KCTD16: variants seen among roughly 807,000 people sequenced by gnomAD.
KCTD16 encodes BTB/POZ domain-containing protein KCTD16.
Under a neutral mutation model 33.2 loss-of-function variants are expected in KCTD16, and 13 were observed. The observed-to-expected ratio is 0.39, with a 90% CI of 0.25 to 0.62. The LOEUF (loss-of-function observed/expected upper bound fraction) is 0.62. Ranked by LOEUF, KCTD16 falls within the 20% of genes least tolerant of loss-of-function variation. The pLI, the probability that KCTD16 is intolerant of heterozygous loss-of-function variation, is 0.50. For missense variants in KCTD16, 441 were observed against 525.1 expected (o/e 0.84, Z 1.57); for synonymous variants, 197 against 195.3 (o/e 1.01, Z -0.07).
chr5:144,453,725 C>A (rs947578259), intron 3 of KCTD16, among the ~76,000 whole-genome samples: 2 of 152,096 alleles, frequency 1.3e-5, no homozygotes, highest in Non-Finnish European at 2.9e-5. Context: ...TGGTAGAATT[C>A]TTGACCAGCT....
rs369589126 is a variant in KCTD16, at chr5:144,194,780, ACT to A, written c.-326-11604_-326-11603del. On this transcript the variant is annotated intron_variant, in intron 2 of 3. Coordinates refer to ENST00000512467, the MANE Select transcript of KCTD16 (RefSeq NM_020768.4). ...AATGGAGGTGGGATTCGACCCCAGGACTCTCTGATCCCAAAGCCCACCCTTTT... is the reference window on the plus strand; with the variant it reads ...AATGGAGGTGGGATTCGACCCCAGGACTCTGATCCCAAAGCCCACCCTTTT... Among the ~76,000 whole-genome samples the A allele has an allele frequency of 6.6e-5, 10 of 152,108 alleles. No homozygotes were observed. The East Asian group carries it at 1.4e-3, about 21-fold the overall frequency.
chr5:144,412,857 G>T (rs1397711355), intron 3 of KCTD16, among the ~76,000 whole-genome samples: 1 of 152,168 alleles, frequency 6.6e-6, no homozygotes, highest in Admixed American at 6.5e-5. Flanking sequence ...CTGCACTCCA[G>T]CCTGGGCCAC....
intron 2 of KCTD16, among the ~76,000 whole-genome samples, chr5:144,199,707 ATTTTTTTTTTTTTT>A (rs574670606): frequency 1.5e-5 from 1 of 67,738 alleles, no homozygotes; most frequent in African/African-American, 6.0e-5. Context: ...GAACAGCTTC[ATTTTTTTTTTTTTT>A]TTTTTTTTTT....
intron 1 of KCTD16, among the ~76,000 whole-genome samples, chr5:144,173,505 A>G (rs1324412387): frequency 6.6e-6 from 1 of 152,146 alleles, no homozygotes; most frequent in Non-Finnish European, 1.5e-5. Flanking sequence ...GAATCAGGAA[A>G]AATAACTAAT....
rs1294482203 is a variant in KCTD16 at position 144,236,502 on chromosome 5, TA to T, written c.832+28961del. ...GGACTCTGTTATTAATTATACCTAC[TA>T]AAAATATGGTTATAGCTCTCTTATA... On this transcript the variant is annotated intron_variant, in intron 3 of 3. Transcript: ENST00000512467. Among the ~76,000 whole-genome samples, 54 of 152,260 alleles carry T rather than the reference TA, an allele frequency of 3.5e-4. No individual in the cohort carries two copies. The Middle Eastern group carries it at 0.024, about 67-fold the overall frequency.
At chr5:144,349,049 G>A (rs180794652) in intron 3 of KCTD16, among the ~76,000 whole-genome samples, 111 of 152,236 alleles carry the variant, frequency 7.3e-4, no homozygotes, top group African/African-American at 2.5e-3. Flanking sequence ...TGTCCACATC[G>A]GGAGCCTCTG....
At chr5:144,445,902 G>A (rs1293082530) in intron 3 of KCTD16, among the ~76,000 whole-genome samples, 2 of 151,928 alleles carry the variant, frequency 1.3e-5, no homozygotes, top group Non-Finnish European at 2.9e-5. Flanking sequence ...GTCTAGTTTA[G>A]GGAGAGACTC....
chr5:144,479,365 C>CAAAAAAAAAAAAAAAAAAAAAAAAAAAA lies in KCTD16; in HGVS notation c.*5267_*5268insAAAAAAAAAAAAAAAAAAAAAAAAAAAA, dbSNP rs368957124. On this transcript the variant is annotated 3_prime_UTR_variant, in exon 4 of 4. Coordinates refer to ENST00000512467, the MANE Select transcript of KCTD16 (RefSeq NM_020768.4). ...CCAAACTGATGTGTAAGAATAAATG[C>CAAAAAAAAAAAAAAAAAAAAAAAAAAAA]AAAAAAAAAAAAAAAAGAAAAAGAA... 1 of 92,486 alleles carries CAAAAAAAAAAAAAAAAAAAAAAAAAAAA rather than the reference C, an allele frequency of 1.1e-5. No individual in the cohort carries two copies. Among genetic ancestry groups the CAAAAAAAAAAAAAAAAAAAAAAAAAAAA allele is most frequent in the Non-Finnish European group, 2.0e-5 (1 of 48,976 alleles). 5.7% of individuals were successfully genotyped at this position (92,486 alleles called of 1,614,324 possible).
chr5:144,473,681 C>A lies in KCTD16; in HGVS notation c.854C>A (p.Pro285His). 6.2e-7 allele frequency: 1 copy of A among 1,605,570 alleles called. No homozygotes were observed. Among genetic ancestry groups the A allele is most frequent in the Non-Finnish European group, 8.5e-7 (1 of 1,173,618 alleles). ...TCAGGTGAGCCTTCCAGATGGTCACCCTCACACTGCGATTGCTGCTGCAAG... is the reference window on the plus strand; with the variant it reads ...TCAGGTGAGCCTTCCAGATGGTCACACTCACACTGCGATTGCTGCTGCAAG... The part of the protein sequence containing the change: ...VFYREPSRWS[P>H]SHCDCCCKNG... Residue 285 changes from proline (P) to histidine (H), a missense_variant, in exon 4 of 4, where the codon CCC (proline) becomes CAC (histidine). Transcript: ENST00000512467.
intron 3 of KCTD16, among the ~76,000 whole-genome samples, chr5:144,298,186 C>T (rs1580853110): frequency 6.6e-6 from 1 of 152,182 alleles, no homozygotes; most frequent in African/African-American, 2.4e-5. Flanking sequence ...ACATTCACCA[C>T]ACGGCCCAAG....
intron 2 of KCTD16, among the ~76,000 whole-genome samples, chr5:144,195,037 T>C (rs116482355): frequency 4.3e-4 from 66 of 152,340 alleles, no homozygotes; most frequent in African/African-American, 1.6e-3. Flanking sequence ...CACACTTGCC[T>C]TAAAGAACTG....
At chr5:144,197,081 CAT>C (rs1282601042) in intron 2 of KCTD16, among the ~76,000 whole-genome samples, 11 of 152,298 alleles carry the variant, frequency 7.2e-5, no homozygotes, top group African/African-American at 1.7e-4. Flanking sequence ...ATCCTACACA[CAT>C]GTTTGGAAAG....
chr5:144,357,322 T>G (rs2126912813), intron 3 of KCTD16, among the ~76,000 whole-genome samples: 1 of 152,324 alleles, frequency 6.6e-6, no homozygotes, highest in South Asian at 2.1e-4. Context: ...GGAAACCAAG[T>G]CAGGTAGGGG....
At chr5:144,180,636 A>G (rs1178757631) in intron 2 of KCTD16, among the ~76,000 whole-genome samples, 2 of 152,218 alleles carry the variant, frequency 1.3e-5, no homozygotes, top group South Asian at 2.1e-4. Context: ...TGTTGAATTC[A>G]TCTGAAAGCT....
intron 3 of KCTD16, among the ~76,000 whole-genome samples, chr5:144,466,096 G>C (rs1459171114): frequency 1.3e-5 from 2 of 152,014 alleles, no homozygotes; most frequent in African/African-American, 4.8e-5. Context: ...GCCTTGGCCT[G>C]CCAAAGTGCT....
chr5:144,462,763 T>G (rs1413663559), intron 3 of KCTD16, among the ~76,000 whole-genome samples: 1 of 152,164 alleles, frequency 6.6e-6, no homozygotes, highest in Non-Finnish European at 1.5e-5. Context: ...CCGTCTGGTC[T>G]TGAAGTTCTT....
At position 144,473,801 on chromosome 5, in the gene KCTD16, A is replaced by T; in HGVS notation, c.974A>T (p.Gln325Leu). ...CDSQSEASSPQETVICGPVTR... is the reference protein window; with the variant it reads ...CDSQSEASSPLETVICGPVTR... ...AGCCAGTCTGAGGCCAGCTCTCCCC[A>T]GGAGACGGTCATCTGTGGTCCCGTG... is the stretch of plus-strand genomic sequence containing the variant. The change falls in exon 4 of 4, where the codon CAG becomes CTG. Residue 325 changes from glutamine (Q) to leucine (L), a missense_variant. Transcript: ENST00000512467. The T allele has an allele frequency of 1.2e-6, 2 of 1,614,124 alleles. No individual in the cohort carries two copies. The highest frequency in any genetic ancestry group is 1.7e-6 in the Non-Finnish European group (2 of 1,179,996).
At chr5:144,439,314 T>C (rs1398982871) in intron 3 of KCTD16, 1 of 482,394 alleles carries the variant, frequency 2.1e-6, no homozygotes, top group African/African-American at 2.0e-5. Flanking sequence ...TAAAACCCAC[T>C]TGAATTGAAT....
chr5:144,358,649 A>G (rs1751629352), intron 3 of KCTD16, among the ~76,000 whole-genome samples: 1 of 152,134 alleles, frequency 6.6e-6, no homozygotes, highest in Non-Finnish European at 1.5e-5. Flanking sequence ...CAATGCCACA[A>G]ACTGGGGGCT....
Sources: allele counts gnomAD v4.1 joint callset (sites outside exome capture counted in the v4.1 genomes callset), GRCh38; gene constraint gnomAD v4.1.1; transcripts MANE v1.5; gene names NCBI Gene and HGNC (gene_info 2026-07-23, HGNC 2026-07-21).